Variants in THSD4 observed in about 807,000 individuals in gnomAD.
THSD4 encodes the protein thrombospondin type 1 domain containing 4.
A neutral mutation model predicts 119.0 loss-of-function variants in THSD4; 69 were observed. That is an observed-to-expected ratio of 0.58 (90% CI 0.48 to 0.71). THSD4 has a LOEUF of 0.71. Among genes scored for constraint, THSD4 ranks in the 30% least tolerant of loss-of-function variants. The probability of loss-of-function intolerance (pLI) is 0.00; values close to 1 mark genes in which losing one functional copy is unlikely to be tolerated. For synonymous variants in THSD4, 524 were observed against 540.4 expected, an observed-to-expected ratio of 0.97 and a Z score of 0.42; for missense variants, 1,393 against 1,391.1, an observed-to-expected ratio of 1.00 and a Z score of -0.02.
In THSD4 at chr15:71,460,305, G is replaced by T. The variant is rs200779228; in HGVS notation, c.1152+48482G>T. 1.7e-4 allele frequency among the ~76,000 whole-genome samples: 21 copies of T among 122,578 alleles called. No individual in the cohort carries two copies. The East Asian group carries it at 2.6e-3, about 15-fold the overall frequency. The allele number at this position is 122,578 out of a possible 152,430, so 80.4% of individuals were successfully genotyped here. ...GTGGAGAAGAAATACAAGTTGCCTG[G>T]TTTTTTTTTTTTTTTTTTTTTTGAA... On this transcript the variant is annotated intron_variant, in intron 7 of 17. Transcript: ENST00000261862.
At chr15:71,563,791 T>G (rs1460725742) in intron 7 of THSD4, among the ~76,000 whole-genome samples, 1 of 152,224 alleles carries the variant, frequency 6.6e-6, no homozygotes, top group Non-Finnish European at 1.5e-5. Context: ...TTCCAGTTAC[T>G]GCTCCCATCT....
At chr15:71,432,654 A>G (rs1378963065) in intron 7 of THSD4, among the ~76,000 whole-genome samples, 1 of 152,086 alleles carries the variant, frequency 6.6e-6, no homozygotes, top group Non-Finnish European at 1.5e-5. Flanking sequence ...AGCTAATTTT[A>G]ATGAAATCTT....
At chr15:71,675,298 T>C (rs1224871960) in intron 8 of THSD4, among the ~76,000 whole-genome samples, 1 of 152,208 alleles carries the variant, frequency 6.6e-6, no homozygotes, top group Non-Finnish European at 1.5e-5. Flanking sequence ...GAAAGTCAGT[T>C]TTTCTTTGGA....
chr15:71,523,365 CTG>C (rs2048470584), intron 7 of THSD4, among the ~76,000 whole-genome samples: 1 of 152,196 alleles, frequency 6.6e-6, no homozygotes, highest in Admixed American at 6.5e-5. Flanking sequence ...TCTTTTCTCT[CTG>C]TGTTTCTCTT....
intron 16 of THSD4, among the ~76,000 whole-genome samples, chr15:71,768,870 G>C (rs1166958806): frequency 7.1e-6 from 1 of 140,952 alleles, no homozygotes; most frequent in Non-Finnish European, 1.6e-5. Context: ...GAGCCACTGC[G>C]CCCAGCAATC....
chr15:71,440,450 C>T (rs1261176311), intron 7 of THSD4, among the ~76,000 whole-genome samples: 1 of 152,166 alleles, frequency 6.6e-6, no homozygotes, highest in Non-Finnish European at 1.5e-5. Context: ...GTTTGGTGTA[C>T]TCATGCTATT....
At chr15:71,501,533 C>T (rs1422936257) in intron 7 of THSD4, among the ~76,000 whole-genome samples, 1 of 152,128 alleles carries the variant, frequency 6.6e-6, no homozygotes. Flanking sequence ...TGTTTACTGC[C>T]TACATGCCAG....
chr15:71,736,897 T>A (rs1185815247), intron 10 of THSD4, among the ~76,000 whole-genome samples: 1 of 152,228 alleles, frequency 6.6e-6, no homozygotes. Context: ...AGTGGAGGAA[T>A]AAAGATAGTA....
chr15:71,592,824 C>A (rs1031377020), intron 7 of THSD4, among the ~76,000 whole-genome samples: 5 of 151,992 alleles, frequency 3.3e-5, no homozygotes, highest in African/African-American at 1.2e-4. Context: ...TGAGGAGTAA[C>A]ATTTAGCAAG....
chr15:71,193,142 C>T (rs1056087085), intron 3 of THSD4, among the ~76,000 whole-genome samples: 1 of 152,038 alleles, frequency 6.6e-6, no homozygotes, highest in Admixed American at 6.5e-5. Context: ...AGGAGCTGGG[C>T]CAGCTTTGGA....
chr15:71,561,129 C>T (rs957159704), intron 7 of THSD4, among the ~76,000 whole-genome samples: 1 of 152,076 alleles, frequency 6.6e-6, no homozygotes, highest in Non-Finnish European at 1.5e-5. Flanking sequence ...CGCCTGCCAC[C>T]ACACCCGGCT....
intron 7 of THSD4, among the ~76,000 whole-genome samples, chr15:71,521,526 T>G (rs2048440962): frequency 6.6e-6 from 1 of 152,218 alleles, no homozygotes; most frequent in South Asian, 2.1e-4. Flanking sequence ...AGTTACTTTT[T>G]AATCACTTGT....
At chr15:71,688,764 AAGAG>A (rs1192711845) in intron 8 of THSD4, among the ~76,000 whole-genome samples, 2 of 148,462 alleles carry the variant, frequency 1.3e-5, no homozygotes, top group African/African-American at 5.0e-5. Context: ...CAAGAGAGAG[AAGAG>A]AGAGAGGTGC....
At chr15:71,437,231 T>C (rs771392909) in intron 7 of THSD4, among the ~76,000 whole-genome samples, 6 of 152,190 alleles carry the variant, frequency 3.9e-5, no homozygotes, top group East Asian at 1.9e-4. Flanking sequence ...ACCAAGGATA[T>C]GGTGCTAAGC....
intron 15 of THSD4, among the ~76,000 whole-genome samples, chr15:71,758,627 G>A (rs147197582): frequency 2.0e-3 from 310 of 152,224 alleles, no homozygotes; most frequent in African/African-American, 7.0e-3. Flanking sequence ...AAAATTGAAC[G>A]TGAACCCCAC....
intron 6 of THSD4, among the ~76,000 whole-genome samples, chr15:71,301,892 G>C (rs2044955410): frequency 6.6e-6 from 1 of 152,172 alleles, no homozygotes; most frequent in Non-Finnish European, 1.5e-5. Context: ...CATGATGTTA[G>C]ATGGGATGCC....
intron 3 of THSD4, among the ~76,000 whole-genome samples, chr15:71,167,884 A>C (rs1362055292): frequency 3.3e-5 from 5 of 152,342 alleles, no homozygotes; most frequent in Non-Finnish European, 4.4e-5. Context: ...AAAAGACATA[A>C]TTTGTAAATG....
chr15:71,267,114 A>G (rs1440771496), intron 6 of THSD4, among the ~76,000 whole-genome samples: 5 of 152,178 alleles, frequency 3.3e-5, no homozygotes, highest in Non-Finnish European at 7.3e-5. Context: ...TACAGAGAAC[A>G]CCACAAAGAT....
At chr15:71,520,622 C>T (rs560533568) in intron 7 of THSD4, among the ~76,000 whole-genome samples, 16 of 152,282 alleles carry the variant, frequency 1.1e-4, no homozygotes, top group African/African-American at 3.8e-4. Context: ...AGATAACATT[C>T]ATCATTCATT....
Sources: allele counts gnomAD v4.1 joint callset (sites outside exome capture counted in the v4.1 genomes callset), GRCh38; gene constraint gnomAD v4.1.1; transcripts MANE v1.5; gene names NCBI Gene and HGNC (gene_info 2026-07-23, HGNC 2026-07-21).